Variants in WDR87 observed in about 807,000 individuals in gnomAD.
The protein encoded by WDR87 is WD repeat domain 87, also known as WD repeat-containing protein 87.
Under a neutral mutation model 83.3 loss-of-function variants are expected in WDR87, and 56 were observed. The ratio of observed to expected loss-of-function variants is 0.67; its 90% confidence interval spans 0.54 to 0.84. The LOEUF is 0.84. Among genes scored for constraint, WDR87 ranks in the 40% least tolerant of loss-of-function variants. WDR87 has a pLI of 0.00. For missense variants in WDR87, 2,939 were observed against 3,431.9 expected, an observed-to-expected ratio of 0.86 and a Z score of 3.59; for synonymous variants, 1,173 against 1,250.6, an observed-to-expected ratio of 0.94 and a Z score of 1.31.
Position 37,885,810 on chromosome 19 carries a change from C to T in WDR87, c.7861G>A (p.Glu2621Lys), listed in dbSNP as rs1006382077. 1 of 1,551,780 alleles carries T rather than the reference C, an allele frequency of 6.4e-7. No individual in the cohort carries two copies. The highest frequency in any genetic ancestry group is 8.7e-7 in the Non-Finnish European group (1 of 1,147,006). ...AIVYRHRQAL[E>K]SQDTRISSRQ... is the part of the protein sequence containing the mutation. ...CTTGAGATCCTTGTGTCTTGTGACT[C>T]CAGGGCCTGTCTGTGACGGTACACA... The change falls in exon 6 of 6, where the codon GAG (glutamate) becomes AAG (lysine). Residue 2621 changes from glutamate (E) to lysine (K), a missense_variant. Coordinates refer to ENST00000447313, the MANE Select transcript of WDR87 (RefSeq NM_001291088.2).
At chr19:37,891,033 C>T (rs990017094) in intron 5 of WDR87, among the ~76,000 whole-genome samples, 1 of 152,106 alleles carries the variant, frequency 6.6e-6, no homozygotes, top group Admixed American at 6.6e-5. Flanking sequence ...TGGTGGTTTG[C>T]TGCACCCATC....
Position 37,894,978 on chromosome 19 carries a change from G to C in WDR87, c.725C>G (p.Ser242Cys), listed in dbSNP as rs962100343. 3.9e-6 allele frequency: 6 copies of C among 1,550,570 alleles called. No individual in the cohort carries two copies. The African/African-American group carries it at 8.2e-5, about 21-fold the overall frequency. The change falls in exon 4 of 6, where the codon TCC becomes TGC. Residue 242 changes from serine (S) to cysteine (C), a missense_variant. Ser to Cys is a moderately radical substitution (Grantham distance 112, BLOSUM62 -1). Transcript: ENST00000447313. ...ACAGGTGAAGCAGCAGGTGATGGAG[G>C]AGCCGCTGCTGGTGGACGTGAACCT... ...VKRFTSTSSG[S>C]SITCCFTCFD...
intron 2 of WDR87, among the ~76,000 whole-genome samples, chr19:37,897,014 C>T (rs1345828254): frequency 6.6e-6 from 1 of 152,128 alleles, no homozygotes; most frequent in Non-Finnish European, 1.5e-5. Context: ...ACCTTACGCA[C>T]ACATGGAATA....
In WDR87 at chr19:37,885,827, CG is replaced by C; in HGVS notation, c.7843del (p.Arg2615ValfsTer19). 2 of 1,551,872 alleles carry C rather than the reference CG, an allele frequency of 1.3e-6. No homozygotes were observed. Among genetic ancestry groups the C allele is most frequent in the Non-Finnish European group, 1.7e-6 (2 of 1,147,034 alleles). On this transcript the variant is annotated frameshift_variant, in exon 6 of 6. Transcript: ENST00000447313. LOFTEE classifies it low-confidence loss of function (END_TRUNC). ...TTGTGACTCCAGGGCCTGTCTGTGA[CG>C]GTACACAATGGCTTCATGTTTGGCC... ...HLAKHEAIVY[R>X]HRQALESQDT...
Position 37,886,595 on chromosome 19 carries a change from C to T in WDR87, c.7076G>A (p.Ser2359Asn). 6.5e-7 allele frequency: 1 copy of T among 1,527,654 alleles called. No homozygotes were observed. The allele number at this position is 1,527,654 out of a possible 1,614,324, so 94.6% of individuals were successfully genotyped here. ...EEIMSEEETESLSDEEEEEES... is the reference protein window; with the variant it reads ...EEIMSEEETENLSDEEEEEES... ...CTCTTCCTCTTCCTCGTCACTCAAA[C>T]TTTCTGTCTCTTCCTCACTCATAAT... Residue 2359 changes from serine to asparagine, a missense_variant, in exon 6 of 6, where the codon AGT (serine) becomes AAT (asparagine). Ser to Asn is a conservative substitution (Grantham distance 46). Coordinates refer to ENST00000447313, the MANE Select transcript of WDR87 (RefSeq NM_001291088.2).
chr19:37,885,669 T>C lies in WDR87; in HGVS notation c.8002A>G (p.Lys2668Glu). The C allele has an allele frequency of 6.4e-7, 1 of 1,551,800 alleles. No individual in the cohort carries two copies. Among genetic ancestry groups the C allele is most frequent in the Non-Finnish European group, 8.7e-7 (1 of 1,147,016 alleles). ...VPTQKSPLATKRIPDPRAKNW... is the reference protein window; with the variant it reads ...VPTQKSPLATERIPDPRAKNW... ...TTAGCCCTTGGGTCTGGAATCCTCT[T>C]GGTAGCTAATGGGGACTTTTGTGTG... is the stretch of plus-strand genomic sequence containing the variant. Residue 2668 changes from lysine to glutamate, a missense_variant, in exon 6 of 6, where the codon AAG (lysine) becomes GAG (glutamate). By Grantham distance (56) the Lys-to-Glu change is moderately conservative. This residue lies in a region of WDR87 where 2,160 missense variants were observed against 2,533.1 expected (regional missense o/e 0.85). Coordinates refer to ENST00000447313, the MANE Select transcript of WDR87 (RefSeq NM_001291088.2).
rs1442685438 is a variant in WDR87, at chr19:37,887,168, C to T, written c.6503G>A (p.Arg2168Gln). 6.4e-6 allele frequency: 10 copies of T among 1,551,374 alleles called. No individual in the cohort carries two copies. In the African/African-American group the frequency reaches 6.8e-5, roughly 11 times the overall value. The change falls in exon 6 of 6, where the codon CGA becomes CAA. Residue 2168 changes from arginine (R) to glutamine (Q), a missense_variant. Arg to Gln is a conservative substitution (Grantham distance 43). This residue lies in a region of WDR87 where 2,160 missense variants were observed against 2,533.1 expected (regional missense o/e 0.85). Transcript: ENST00000447313. The stretch of plus-strand genomic sequence containing the variant: ...CTTCTCATCTTTAGTCAGTTCTGAT[C>T]GTTTTTCAGAAAAATCCCACTCTTT... ...DIKEWDFSEK[R>Q]SELTKDEKKL...
Position 37,893,388 on chromosome 19 carries a change from A to C in WDR87, c.2315T>G (p.Met772Arg). 1.3e-6 allele frequency: 2 copies of C among 1,552,170 alleles called. No individual in the cohort carries two copies. The highest frequency in any genetic ancestry group is 8.7e-7 in the Non-Finnish European group (1 of 1,147,110). ...TTTGCTCACCTGCATCCAATCTTCCATGTCCTGCAAAGAATAATGCATGGA... is the reference window on the plus strand; with the variant it reads ...TTTGCTCACCTGCATCCAATCTTCCCTGTCCTGCAAAGAATAATGCATGGA... ...RSSMHYSLQD[M>R]EDWMQVSKRY... Residue 772 changes from methionine to arginine, a missense_variant, in exon 4 of 6, where the codon ATG becomes AGG. Around this residue, in one of 3 missense-constraint regions of WDR87, gnomAD observed 2,160 missense variants for 2,533.1 expected, o/e 0.85. Transcript: ENST00000447313.
chr19:37,904,172 G>A (rs1308115921), intron 1 of WDR87, among the ~76,000 whole-genome samples: 1 of 152,124 alleles, frequency 6.6e-6, no homozygotes, highest in Admixed American at 6.5e-5. Context: ...AAAGTGGTGG[G>A]ATTACAGGCA....
intron 1 of WDR87, among the ~76,000 whole-genome samples, chr19:37,901,495 GC>G (rs958131879): frequency 8.5e-5 from 13 of 152,048 alleles, no homozygotes; most frequent in Admixed American, 4.6e-4. Flanking sequence ...TACCCCACTG[GC>G]CCCTTCTTGT....
chr19:37,900,736 C>T (rs2046288426), intron 1 of WDR87, among the ~76,000 whole-genome samples: 1 of 151,882 alleles, frequency 6.6e-6, no homozygotes, highest in African/African-American at 2.4e-5. Context: ...CCACGCTCCC[C>T]AGACTGCATG....
Position 37,889,699 on chromosome 19 carries a change from T to A in WDR87, c.3972A>T (p.Glu1324Asp), listed in dbSNP as rs2046186662. The A allele has an allele frequency of 6.4e-7, 1 of 1,551,498 alleles. No individual in the cohort carries two copies. Among genetic ancestry groups the A allele is most frequent in the Non-Finnish European group, 8.7e-7 (1 of 1,146,986 alleles). The change falls in exon 6 of 6, where the codon GAA becomes GAT. Residue 1324 changes from glutamate (E) to aspartate (D), a missense_variant. Around this residue, in one of 3 missense-constraint regions of WDR87, gnomAD observed 2,160 missense variants for 2,533.1 expected, o/e 0.85. Transcript: ENST00000447313. ...ATAGGGGGCAGATCTCCTGAAAGAG[T>A]TCCCAGCTGGGGTGCCTATCTACCA... is the stretch of plus-strand genomic sequence containing the variant. ...EMLVDRHPSW[E>D]LFQEICPLLK...
chr19:37,897,912 A>G (rs1275163155), intron 2 of WDR87, among the ~76,000 whole-genome samples: 1 of 152,094 alleles, frequency 6.6e-6, no homozygotes, highest in African/African-American at 2.4e-5. Context: ...AAAATAATAG[A>G]AAAACTCTCT....
At position 37,893,077 on chromosome 19, in the gene WDR87, A is replaced by G. The variant is rs189968618; in HGVS notation, c.2626T>C (p.Tyr876His). The change falls in exon 4 of 6, where the codon TAT becomes CAT. Residue 876 changes from tyrosine to histidine, a missense_variant. Tyr to His is a moderately conservative substitution (Grantham distance 83). This residue lies in a region of WDR87 where 2,160 missense variants were observed against 2,533.1 expected (regional missense o/e 0.85). Transcript: ENST00000447313. ...SRVRAISNTE[Y>H]PKNKEEDEHF... ...TCATCCTCCTCCTTATTCTTTGGATATTCTGTATTACTTATAGCTCTTACC... is the reference window on the plus strand; with the variant it reads ...TCATCCTCCTCCTTATTCTTTGGATGTTCTGTATTACTTATAGCTCTTACC... The G allele has an allele frequency of 1.9e-4, 299 of 1,551,694 alleles. No homozygotes were observed. In the African/African-American group the frequency reaches 3.3e-3, roughly 17 times the overall value.
At chr19:37,890,577 A>G (rs2046196534) in intron 5 of WDR87, among the ~76,000 whole-genome samples, 1 of 152,102 alleles carries the variant, frequency 6.6e-6, no homozygotes. Flanking sequence ...AACAGGATAT[A>G]CCCATTTTAA....
In WDR87 at chr19:37,886,248, C is replaced by T. The variant is rs2046143783; in HGVS notation, c.7423G>A (p.Glu2475Lys). The change falls in exon 6 of 6, where the codon GAA becomes AAA. Residue 2475 changes from glutamate (E) to lysine (K), a missense_variant. Glu to Lys is a moderately conservative substitution (Grantham distance 56). Around this residue, in one of 3 missense-constraint regions of WDR87, gnomAD observed 2,160 missense variants for 2,533.1 expected, o/e 0.85. Transcript: ENST00000447313. ...PRKFLGTMDK[E>K]REVMGKYEPI... is the part of the protein sequence containing the mutation. ...TCATATTTTCCCATCACTTCTCTTT[C>T]TTTATCCATTGTCCCTAAGAATTTC... 9 of 1,551,604 alleles carry T rather than the reference C, an allele frequency of 5.8e-6. No homozygotes were observed. The highest frequency in any genetic ancestry group is 2.0e-5 in the Admixed American group (1 of 50,978).
At chr19:37,906,273 C>G (rs578216339) in intron 1 of WDR87, among the ~76,000 whole-genome samples, 1 of 152,242 alleles carries the variant, frequency 6.6e-6, no homozygotes, top group East Asian at 1.9e-4. Context: ...TGTAGGTACT[C>G]TACAAACACT....
In WDR87 at chr19:37,886,615, C is replaced by T; in HGVS notation, c.7056G>A (p.Met2352Ile). The change falls in exon 6 of 6, where the codon ATG (methionine) becomes ATA (isoleucine). Residue 2352 changes from methionine (M) to isoleucine (I), a missense_variant. This residue lies in a region of WDR87 where 2,160 missense variants were observed against 2,533.1 expected (regional missense o/e 0.85). Coordinates refer to ENST00000447313, the MANE Select transcript of WDR87 (RefSeq NM_001291088.2). ...TCAAACTTTCTGTCTCTTCCTCACTCATAATTTCTTCTTTCTCCTCAAACA... is the reference window on the plus strand; with the variant it reads ...TCAAACTTTCTGTCTCTTCCTCACTTATAATTTCTTCTTTCTCCTCAAACA... ...EEVFEEKEEI[M>I]SEEETESLSD... 6.5e-7 allele frequency: 1 copy of T among 1,535,746 alleles called. No individual in the cohort carries two copies. Among genetic ancestry groups the T allele is most frequent in the Non-Finnish European group, 8.8e-7 (1 of 1,140,166 alleles).
rs765235580 is a variant in WDR87, at chr19:37,885,320, T to C, written c.8351A>G (p.Lys2784Arg). The change falls in exon 6 of 6, where the codon AAA becomes AGA. Residue 2784 changes from lysine to arginine, a missense_variant. Around this residue, in one of 3 missense-constraint regions of WDR87, gnomAD observed 2,160 missense variants for 2,533.1 expected, o/e 0.85. Coordinates refer to ENST00000447313, the MANE Select transcript of WDR87 (RefSeq NM_001291088.2). ...CTGTTCCATCCAAGCAGTGCTGTCT[T>C]TTGGATATCGCTGCTGCAGCATCCG... ...VLRMLQQRYPKDSTAWMEQFY... is the reference protein window; with the variant it reads ...VLRMLQQRYPRDSTAWMEQFY... 7 of 1,551,368 alleles carry C rather than the reference T, an allele frequency of 4.5e-6. No homozygotes were observed. The highest frequency in any genetic ancestry group is 1.4e-5 in the African/African-American group (1 of 73,014).
Sources: allele counts gnomAD v4.1 joint callset (sites outside exome capture counted in the v4.1 genomes callset), GRCh38; gene constraint gnomAD v4.1.1; regional missense constraint gnomAD v4.1.1; transcripts MANE v1.5; gene names NCBI Gene and HGNC (gene_info 2026-07-23, HGNC 2026-07-21).